Variants in PLXDC2 observed in about 807,000 individuals in gnomAD.
PLXDC2 encodes the protein plexin domain-containing protein 2.
A neutral mutation model predicts 68.9 loss-of-function variants in PLXDC2; 40 were observed. The observed-to-expected ratio is 0.58, with a 90% CI of 0.45 to 0.76. PLXDC2 has a LOEUF of 0.76. Among genes scored for constraint, PLXDC2 ranks in the 30% least tolerant of loss-of-function variants. PLXDC2 has a pLI of 0.00. For missense variants in PLXDC2, 644 were observed against 661.9 expected (o/e 0.97, Z 0.30); for synonymous variants, 243 against 234.2 (o/e 1.04, Z -0.34).
At chr10:19,845,268 T>A (rs1836987028) in intron 1 of PLXDC2, among the ~76,000 whole-genome samples, 1 of 152,136 alleles carries the variant, frequency 6.6e-6, no homozygotes, top group Non-Finnish European at 1.5e-5. Context: ...GTAGGATTTG[T>A]TTTTTGCTGC....
At chr10:20,270,116 T>C (rs748350284) in intron 13 of PLXDC2, among the ~76,000 whole-genome samples, 4 of 150,886 alleles carry the variant, frequency 2.7e-5, no homozygotes, top group Non-Finnish European at 5.9e-5. Flanking sequence ...AGAAGAAGAG[T>C]GAAATGATGG....
intron 2 of PLXDC2, among the ~76,000 whole-genome samples, chr10:20,034,376 T>C (rs769992482): frequency 3.9e-5 from 6 of 152,218 alleles, no homozygotes; most frequent in African/African-American, 7.2e-5. Flanking sequence ...TAATTCTCTA[T>C]GCTGGCATAA....
At position 19,887,427 on chromosome 10, in the gene PLXDC2, C is replaced by T. The variant is rs183460238; in HGVS notation, c.112+70236C>T. ...TCTTCAGTTACTTGGGAAGCTGAGGCAGGAGAATCGCTTGAACCCAGGAGG... is the reference window on the plus strand; with the variant it reads ...TCTTCAGTTACTTGGGAAGCTGAGGTAGGAGAATCGCTTGAACCCAGGAGG... On this transcript the variant is annotated intron_variant, in intron 1 of 13. Coordinates refer to ENST00000377252, the MANE Select transcript of PLXDC2 (RefSeq NM_032812.9). Among the ~76,000 whole-genome samples, 373 of 152,206 alleles carry T rather than the reference C, an allele frequency of 2.5e-3. 2 individuals carry two copies. Among genetic ancestry groups the T allele is most frequent in the Non-Finnish European group, 2.5e-3 (170 of 68,018 alleles).
At chr10:20,239,254 A>G (rs1835482006) in intron 12 of PLXDC2, among the ~76,000 whole-genome samples, 1 of 152,202 alleles carries the variant, frequency 6.6e-6, no homozygotes, top group Non-Finnish European at 1.5e-5. Flanking sequence ...GGAAGAGTTT[A>G]CGTCTTAAGA....
intron 2 of PLXDC2, among the ~76,000 whole-genome samples, chr10:20,045,475 A>G (rs1000483160): frequency 2.0e-5 from 3 of 152,102 alleles, no homozygotes; most frequent in Non-Finnish European, 4.4e-5. Context: ...TAGGGTCTTC[A>G]TTACATAAAA....
At chr10:19,991,216 A>G (rs1211947833) in intron 1 of PLXDC2, among the ~76,000 whole-genome samples, 1 of 150,562 alleles carries the variant, frequency 6.6e-6, no homozygotes, top group Non-Finnish European at 1.5e-5. Context: ...ATTGCACTCT[A>G]GCCTGGGCAA....
At chr10:20,105,140 G>A (rs1342905006) in intron 4 of PLXDC2, among the ~76,000 whole-genome samples, 1 of 151,042 alleles carries the variant, frequency 6.6e-6, no homozygotes, top group African/African-American at 2.4e-5. Context: ...TTGACCTTAA[G>A]GAACAAGGTG....
At chr10:20,072,514 A>AGAAAGAAG (rs1836346432) in intron 4 of PLXDC2, among the ~76,000 whole-genome samples, 1 of 98,208 alleles carries the variant, frequency 1.0e-5, no homozygotes, top group Non-Finnish European at 1.7e-5. Context: ...AAAGAAAGAA[A>AGAAAGAAG]GAAAGAAAGA....
intron 9 of PLXDC2, among the ~76,000 whole-genome samples, chr10:20,180,644 C>A (rs1211722475): frequency 6.6e-6 from 1 of 151,992 alleles, no homozygotes; most frequent in Admixed American, 6.6e-5. Context: ...ACTGAACTCT[C>A]AAGTAGGGCT....
chr10:20,277,547 T>C (rs941904810), intron 13 of PLXDC2, among the ~76,000 whole-genome samples: 2 of 152,166 alleles, frequency 1.3e-5, no homozygotes, highest in Admixed American at 6.5e-5. Context: ...AATCAAGTCA[T>C]TTATTCACAA....
chr10:20,127,277 G>A (rs562808028), intron 4 of PLXDC2, among the ~76,000 whole-genome samples: 2 of 152,220 alleles, frequency 1.3e-5, no homozygotes, highest in South Asian at 4.1e-4. Flanking sequence ...GACATTGCGT[G>A]TTCTGATTTG....
intron 12 of PLXDC2, among the ~76,000 whole-genome samples, chr10:20,243,003 C>T (rs1964935): frequency 0.23 from 34,293 of 152,200 alleles, 3,878 homozygotes; most frequent in East Asian, 0.25. Flanking sequence ...TGAGCCACCA[C>T]GCCTGGCTCC....
chr10:20,219,395 G>A (rs1835182080), intron 12 of PLXDC2, among the ~76,000 whole-genome samples: 1 of 152,062 alleles, frequency 6.6e-6, no homozygotes, highest in South Asian at 2.1e-4. Context: ...TTATAGTGGT[G>A]TGTAGTTATC....
chr10:19,917,235 C>T (rs1460044344), intron 1 of PLXDC2, among the ~76,000 whole-genome samples: 1 of 151,888 alleles, frequency 6.6e-6, no homozygotes, highest in Non-Finnish European at 1.5e-5. Flanking sequence ...TTGAGCATTG[C>T]TCCAAGGCTG....
At chr10:19,897,390 C>G (rs1438415468) in intron 1 of PLXDC2, among the ~76,000 whole-genome samples, 1 of 152,146 alleles carries the variant, frequency 6.6e-6, no homozygotes, top group Admixed American at 6.5e-5. Context: ...TAGGCATATG[C>G]CACCATGCCT....
At chr10:20,156,349 C>T (rs924328202) in intron 6 of PLXDC2, among the ~76,000 whole-genome samples, 7 of 152,126 alleles carry the variant, frequency 4.6e-5, no homozygotes, top group Non-Finnish European at 7.3e-5. Flanking sequence ...TAAGTGTACA[C>T]GTTTGTAAAA....
At position 20,098,357 on chromosome 10, in the gene PLXDC2, A is replaced by ATGTGTGTGTGTGTGTGTGTGTG. The variant is rs35209594; in HGVS notation, c.541+30124_541+30145dup. On this transcript the variant is annotated intron_variant, in intron 4 of 13. Transcript: ENST00000377252. The stretch of plus-strand genomic sequence containing the variant: ...CCGTCATTTTCGTGCGTGTGTGTGT[A>ATGTGTGTGTGTGTGTGTGTGTG]TGTGTGTGTGTGTGTGTGTGTGTGT... Among the ~76,000 whole-genome samples, 1,293 of 145,430 alleles carry ATGTGTGTGTGTGTGTGTGTGTG rather than the reference A, an allele frequency of 8.9e-3. 7 individuals are homozygous for ATGTGTGTGTGTGTGTGTGTGTG. The highest frequency in any genetic ancestry group is 0.013 in the Non-Finnish European group (869 of 66,672).
intron 6 of PLXDC2, among the ~76,000 whole-genome samples, chr10:20,149,229 C>CCTTTTTTTTTTTTTT (rs1834120053): frequency 2.9e-5 from 1 of 34,926 alleles, no homozygotes; most frequent in African/African-American, 1.2e-4. Context: ...TTTTTCTTTT[C>CCTTTTTTTTTTTTTT]TTTTTTTTTT....
chr10:19,890,664 C>T (rs1012492292), intron 1 of PLXDC2, among the ~76,000 whole-genome samples: 2 of 139,642 alleles, frequency 1.4e-5, no homozygotes, highest in African/African-American at 2.7e-5. Context: ...CGTGAGCCAC[C>T]GCGCCCGGCT....
Sources: allele counts gnomAD v4.1 joint callset (sites outside exome capture counted in the v4.1 genomes callset), GRCh38; gene constraint gnomAD v4.1.1; transcripts MANE v1.5; gene names NCBI Gene and HGNC (gene_info 2026-07-23, HGNC 2026-07-21).